The following WDR70 variants were observed in gnomAD, a reference collection of about 807,000 sequenced individuals.
WDR70 encodes WD repeat-containing protein 70.
Under a neutral mutation model 88.6 loss-of-function variants are expected in WDR70, and 53 were observed. That is an observed-to-expected ratio of 0.60 (90% CI 0.48 to 0.75). The LOEUF is 0.75. Among genes scored for constraint, WDR70 ranks in the 30% least tolerant of loss-of-function variants. The pLI is 0.00. For synonymous variants in WDR70, 280 were observed against 270.0 expected, an observed-to-expected ratio of 1.04 and a Z score of -0.36; for missense variants, 610 against 823.2, an observed-to-expected ratio of 0.74 and a Z score of 3.17.
chr5:37,500,629 C>T (rs1740377583), intron 8 of WDR70, among the ~76,000 whole-genome samples: 1 of 150,126 alleles, frequency 6.7e-6, no homozygotes. Context: ...GCCATTCTGG[C>T]TGGACTAAGG....
At chr5:37,704,722 G>A (rs73751121) in intron 13 of WDR70, among the ~76,000 whole-genome samples, 2,027 of 152,252 alleles carry the variant, frequency 0.013, 44 homozygotes, top group African/African-American at 0.046. Context: ...TTAATTGAAT[G>A]AGTGAGAGAT....
chr5:37,666,314 G>A (rs192355791), intron 10 of WDR70, among the ~76,000 whole-genome samples: 1 of 152,200 alleles, frequency 6.6e-6, no homozygotes, highest in Non-Finnish European at 1.5e-5. Context: ...AAGAAGAAAA[G>A]GTGATATCAT....
At chr5:37,479,562 G>A (rs1458373355) in intron 7 of WDR70, 4 of 250,906 alleles carry the variant, frequency 1.6e-5, no homozygotes, top group Non-Finnish European at 3.1e-5. Context: ...TTAGAGATGG[G>A]GTTTCACCAT....
In WDR70 at chr5:37,713,508, G is replaced by A. The variant is rs947471431; in HGVS notation, c.1417-7607G>A. 1.1e-3 allele frequency among the ~76,000 whole-genome samples: 165 copies of A among 151,858 alleles called. 1 individual carries two copies. The highest frequency in any genetic ancestry group is 3.9e-3 in the African/African-American group (160 of 41,486). ...AATAAATATTTAAATTTATTTAATAGGTATTTAAACTTGTGTAGACATGAT... is the reference window on the plus strand; with the variant it reads ...AATAAATATTTAAATTTATTTAATAAGTATTTAAACTTGTGTAGACATGAT... On this transcript the variant is annotated intron_variant, in intron 13 of 17. Coordinates refer to ENST00000265107, the MANE Select transcript of WDR70 (RefSeq NM_018034.4).
At chr5:37,739,703 GT>G (rs1243528509) in intron 17 of WDR70, among the ~76,000 whole-genome samples, 2 of 151,970 alleles carry the variant, frequency 1.3e-5, no homozygotes, top group Non-Finnish European at 2.9e-5. Flanking sequence ...ATACAGGTTT[GT>G]TACATAGGTA....
At chr5:37,731,303 T>C (rs1296826921) in intron 17 of WDR70, among the ~76,000 whole-genome samples, 1 of 152,184 alleles carries the variant, frequency 6.6e-6, no homozygotes, top group Non-Finnish European at 1.5e-5. Flanking sequence ...TCCTCTGCTG[T>C]TTGTACTGTA....
chr5:37,636,774 A>G (rs917108887), intron 10 of WDR70, among the ~76,000 whole-genome samples: 5 of 152,210 alleles, frequency 3.3e-5, no homozygotes, highest in African/African-American at 1.2e-4. Flanking sequence ...ATCATGAGCT[A>G]TCCTAGATTG....
At chr5:37,734,609 A>C (rs944884222) in intron 17 of WDR70, among the ~76,000 whole-genome samples, 74 of 152,082 alleles carry the variant, frequency 4.9e-4, no homozygotes, top group African/African-American at 1.8e-3. Context: ...GACATAGATA[A>C]AAGAGGGATA....
chr5:37,584,000 CT>C (rs1387748582), intron 9 of WDR70, among the ~76,000 whole-genome samples: 1 of 152,162 alleles, frequency 6.6e-6, no homozygotes, highest in Non-Finnish European at 1.5e-5. Flanking sequence ...ATAGACAGGA[CT>C]ATGAAATGTG....
intron 7 of WDR70, 76 bp downstream of exon 7, chr5:37,443,448 G>T: frequency 6.6e-7 from 1 of 1,513,928 alleles, no homozygotes; most frequent in Non-Finnish European, 9.1e-7. Context: ...GTTGGCTTTG[G>T]AATCCCATCT....
intron 10 of WDR70, among the ~76,000 whole-genome samples, chr5:37,637,720 T>C (rs953097680): frequency 2.0e-5 from 3 of 152,192 alleles, no homozygotes; most frequent in Non-Finnish European, 4.4e-5. Context: ...TGCCATTAAA[T>C]GGATTGTAGA....
chr5:37,744,859 C>T (rs1370872796), intron 17 of WDR70, among the ~76,000 whole-genome samples: 2 of 152,098 alleles, frequency 1.3e-5, no homozygotes, highest in African/African-American at 4.8e-5. Flanking sequence ...GGAAAACACA[C>T]TTCAGGATAT....
chr5:37,752,572 G>A lies in WDR70; in HGVS notation c.1964G>A (p.Ter655=). The A allele has an allele frequency of 6.2e-7, 1 of 1,609,904 alleles. No homozygotes were observed. The highest frequency in any genetic ancestry group is 8.5e-7 in the Non-Finnish European group (1 of 1,177,476). The change falls in exon 18 of 18, where the codon TGA becomes TAA. Residue 655 remains the stop codon, a stop_retained_variant. Transcript: ENST00000265107. Reference sequence around the variant, plus strand: ...CCAGAATGGAAAAAACGTAAAATTTGAAGAATCTCATTTGAGAGCTGTTTG... The same window carrying A: ...CCAGAATGGAAAAAACGTAAAATTTAAAGAATCTCATTTGAGAGCTGTTTG... ...NEPEWKKRKI[*]
At chr5:37,466,303 A>G (rs1739147584) in intron 7 of WDR70, among the ~76,000 whole-genome samples, 1 of 152,190 alleles carries the variant, frequency 6.6e-6, no homozygotes, top group African/African-American at 2.4e-5. Flanking sequence ...AGGCAGTAAG[A>G]GTCTTCTGTT....
At chr5:37,514,611 T>A (rs112587358) in intron 8 of WDR70, among the ~76,000 whole-genome samples, 14,123 of 151,598 alleles carry the variant, frequency 0.093, 846 homozygotes, top group South Asian at 0.19. Context: ...TGTGTTCTTA[T>A]CGTTCAGCTC....
intron 9 of WDR70, among the ~76,000 whole-genome samples, chr5:37,559,570 C>T (rs562718622): frequency 1.3e-5 from 2 of 152,246 alleles, no homozygotes; most frequent in South Asian, 2.1e-4. Flanking sequence ...TGAGGCCGGG[C>T]GCAGTGGCTC....
intron 9 of WDR70, among the ~76,000 whole-genome samples, chr5:37,531,849 G>A (rs1741499681): frequency 6.6e-6 from 1 of 151,700 alleles, no homozygotes; most frequent in Non-Finnish European, 1.5e-5. Flanking sequence ...TTGTTATACA[G>A]GTCCTGTGAG....
chr5:37,486,796 T>C (rs1418613631), intron 8 of WDR70, among the ~76,000 whole-genome samples: 1 of 145,744 alleles, frequency 6.9e-6, no homozygotes, highest in African/African-American at 2.5e-5. Flanking sequence ...GTTTATGTTC[T>C]TTGCCCACTT....
At chr5:37,538,672 C>G (rs769009856) in intron 9 of WDR70, among the ~76,000 whole-genome samples, 2 of 151,996 alleles carry the variant, frequency 1.3e-5, no homozygotes, top group African/African-American at 4.8e-5. Flanking sequence ...AAAACATAAA[C>G]CTGAGATGAG....
Sources: gnomAD v4.1 joint callset for allele counts (sites outside exome capture counted in the v4.1 genomes callset) on GRCh38, gnomAD v4.1.1 for gene constraint, MANE v1.5 for transcripts, NCBI Gene and HGNC (gene_info 2026-07-23, HGNC 2026-07-21) for gene names.